Variants in MORF4L1 observed in about 807,000 individuals in gnomAD.
MORF4L1 encodes the protein mortality factor 4-like protein 1.
Under a neutral mutation model 52.9 loss-of-function variants are expected in MORF4L1, and 4 were observed. The ratio of observed to expected loss-of-function variants is 0.08; its 90% CI spans 0.04 to 0.17. The LOEUF (loss-of-function observed/expected upper bound fraction) is 0.17, where lower values mean the gene tolerates loss of function less well. MORF4L1 is among the 10% of genes least tolerant of loss of function. The pLI, the probability that MORF4L1 is intolerant of heterozygous loss-of-function variation, is 1.00. For missense variants in MORF4L1, 214 were observed against 390.4 expected (o/e 0.55, Z 3.81); for synonymous variants, 123 against 134.8 (o/e 0.91, Z 0.61).
chr15:78,885,841 G>C (rs1480768898), intron 3 of MORF4L1, among the ~76,000 whole-genome samples: 1 of 152,128 alleles, frequency 6.6e-6, no homozygotes, highest in Non-Finnish European at 1.5e-5. Flanking sequence ...GATAACATAA[G>C]ACTAATCACT....
chr15:78,883,488 G>C (rs2056639839), intron 3 of MORF4L1, among the ~76,000 whole-genome samples: 1 of 152,130 alleles, frequency 6.6e-6, no homozygotes, highest in Non-Finnish European at 1.5e-5. Flanking sequence ...TGTATTTTCA[G>C]ATTTTATTGT....
intron 4 of MORF4L1, 95 bp from the exon 5 acceptor site, chr15:78,887,174 A>G (rs1403359146): frequency 9.5e-7 from 1 of 1,056,418 alleles, no homozygotes; most frequent in East Asian, 2.4e-5. Flanking sequence ...TTGTTGCCAG[A>G]ATTTGAATGT....
At chr15:78,883,982 G>T (rs2056648536) in intron 3 of MORF4L1, among the ~76,000 whole-genome samples, 1 of 152,020 alleles carries the variant, frequency 6.6e-6, no homozygotes, top group East Asian at 1.9e-4. Context: ...GAGGCGGGCA[G>T]ATCACAAGGT....
At chr15:78,878,593 T>TA (rs75809350) in intron 2 of MORF4L1, among the ~76,000 whole-genome samples, 19,713 of 152,216 alleles carry the variant, frequency 0.13, 1,350 homozygotes, top group East Asian at 0.26. Context: ...CTTTTAAAAG[T>TA]AATATATGCT....
chr15:78,879,338 C>T (rs1399375226), intron 2 of MORF4L1, among the ~76,000 whole-genome samples: 1 of 152,118 alleles, frequency 6.6e-6, no homozygotes, highest in Non-Finnish European at 1.5e-5. Flanking sequence ...TCTCCTGCCT[C>T]AGCCTCCCGA....
At chr15:78,891,332 A>G (rs2056798259) in intron 6 of MORF4L1, 152 bp from the exon 7 acceptor site, 4 of 681,932 alleles carry the variant, frequency 5.9e-6, no homozygotes, top group East Asian at 2.7e-5. Flanking sequence ...TGAAAGTTGT[A>G]TTTTTGGTAG....
chr15:78,874,174 C>CT (rs1267994352), intron 1 of MORF4L1, among the ~76,000 whole-genome samples: 1 of 152,180 alleles, frequency 6.6e-6, no homozygotes, highest in Non-Finnish European at 1.5e-5. Flanking sequence ...AGGAGGAACA[C>CT]TTTAACATTC....
chr15:78,885,314 C>T (rs539012810), intron 3 of MORF4L1, among the ~76,000 whole-genome samples: 2 of 152,246 alleles, frequency 1.3e-5, no homozygotes, highest in South Asian at 2.1e-4. Context: ...TTAGCATTCC[C>T]TAAGAAATTA....
intron 5 of MORF4L1, 138 bp downstream of exon 5, chr15:78,887,487 G>A (rs2056725623): frequency 1.5e-6 from 1 of 657,012 alleles, no homozygotes; most frequent in Non-Finnish European, 2.5e-6. Context: ...CAGGTATCAG[G>A]TCGTTAAAGT....
chr15:78,881,276 A>G (rs138136579), intron 3 of MORF4L1, among the ~76,000 whole-genome samples: 149 of 136,214 alleles, frequency 1.1e-3, no homozygotes, highest in African/African-American at 3.8e-3. Context: ...GCTCACTGCA[A>G]CCTCCGCCTC....
At chr15:78,882,111 A>AGTGCATCCTG (rs2087792475) in intron 3 of MORF4L1, among the ~76,000 whole-genome samples, 1 of 152,246 alleles carries the variant, frequency 6.6e-6, no homozygotes, top group Non-Finnish European at 1.5e-5. Flanking sequence ...AATGCATAGA[A>AGTGCATCCTG]GTGCATCCTG....
intron 2 of MORF4L1, 120 bp downstream of exon 2, chr15:78,878,379 G>A: frequency 1.4e-6 from 1 of 721,838 alleles, no homozygotes. Context: ...TTTTAGGTTC[G>A]TAGTTAATAA....
chr15:78,888,179 A>G (rs935236188), intron 5 of MORF4L1, among the ~76,000 whole-genome samples: 1 of 152,236 alleles, frequency 6.6e-6, no homozygotes, highest in Admixed American at 6.5e-5. Flanking sequence ...AAGTTTATGT[A>G]GGACGGTGCG....
At chr15:78,885,001 T>C (rs1449641729) in intron 3 of MORF4L1, 2 of 1,613,984 alleles carry the variant, frequency 1.2e-6, no homozygotes, top group Admixed American at 3.3e-5. Context: ...TGAAAAATCT[T>C]TGAAGACACA....
chr15:78,890,298 G>A (rs531449026), intron 5 of MORF4L1, among the ~76,000 whole-genome samples: 356 of 115,234 alleles, frequency 3.1e-3, no homozygotes, highest in South Asian at 6.1e-3. Context: ...ATCAAGATGA[G>A]GAGACTTAAA....
chr15:78,889,651 T>C (rs557963070), intron 5 of MORF4L1, among the ~76,000 whole-genome samples: 1 of 152,334 alleles, frequency 6.6e-6, no homozygotes, highest in East Asian at 1.9e-4. Flanking sequence ...TGGTTGACTT[T>C]GACCGAGAAA....
intron 3 of MORF4L1, among the ~76,000 whole-genome samples, chr15:78,881,188 C>CTTTTTTTTTTT (rs777713555): frequency 2.9e-4 from 4 of 13,756 alleles, no homozygotes; most frequent in Admixed American, 1.3e-3. Context: ...AAGAGTTAAG[C>CTTTTTTTTTTT]CTTTTTTTTT....
At position 78,887,976 on chromosome 15, in the gene MORF4L1, A is replaced by C. The variant is rs546787839; in HGVS notation, c.323+627A>C. Among the ~76,000 whole-genome samples, 24 of 152,192 alleles carry C rather than the reference A, an allele frequency of 1.6e-4. No individual in the cohort carries two copies. In the South Asian group the frequency reaches 3.1e-3, roughly 20 times the overall value. ...GTATTTTTAGTAGAGATGGAGTTTC[A>C]CCATGTTGGTCAGGCTGACCTCCTG... On this transcript the variant is annotated intron_variant, in intron 5 of 11. Transcript: ENST00000426013.
Position 78,884,639 on chromosome 15 carries a change from C to CA in MORF4L1, c.156-1482dup, listed in dbSNP as rs71148577. 8.7e-4 allele frequency among the ~76,000 whole-genome samples: 78 copies of CA among 89,512 alleles called. 1 individual carries two copies. The highest frequency in any genetic ancestry group is 3.8e-3 in the African/African-American group (75 of 19,898). 58.7% of individuals were successfully genotyped at this position (89,512 alleles called of 152,430 possible). A position where few individuals can be genotyped will look rare whatever the true frequency, so the allele number is the denominator to read the frequency against. ...GGGCAACGAGAGCGCAACTCTGTCTCAAAAAAAAAAAAAAAAAAAATACAC... is the reference window on the plus strand; with the variant it reads ...GGGCAACGAGAGCGCAACTCTGTCTCAAAAAAAAAAAAAAAAAAAAATACAC... On this transcript the variant is annotated intron_variant, in intron 3 of 11. Transcript: ENST00000426013.
Sources: allele counts gnomAD v4.1 joint callset (sites outside exome capture counted in the v4.1 genomes callset), GRCh38; gene constraint gnomAD v4.1.1; transcripts MANE v1.5; gene names NCBI Gene and HGNC (gene_info 2026-07-23, HGNC 2026-07-21).